The following AGBL4 variants were observed in gnomAD, a reference collection of about 807,000 sequenced individuals.
AGBL4 encodes the protein cytosolic carboxypeptidase 6.
A neutral mutation model predicts 66.4 loss-of-function variants in AGBL4; 58 were observed. That is an observed-to-expected ratio of 0.87 (90% CI 0.71 to 1.09). AGBL4 has a LOEUF of 1.09. Among genes scored for constraint, AGBL4 ranks in the 50% least tolerant of loss-of-function variants. The probability of loss-of-function intolerance (pLI) is 0.00; values close to 1 mark genes in which losing one functional copy is unlikely to be tolerated. For missense variants in AGBL4, 579 were observed against 631.0 expected, an observed-to-expected ratio of 0.92 and a Z score of 0.88; for synonymous variants, 234 against 222.9, an observed-to-expected ratio of 1.05 and a Z score of -0.44.
chr1:48,814,662 T>C (rs1412805461), intron 6 of AGBL4, among the ~76,000 whole-genome samples: 1 of 151,168 alleles, frequency 6.6e-6, no homozygotes, highest in African/African-American at 2.4e-5. Flanking sequence ...ATGCGGTATT[T>C]AACTTTCTGT....
rs149341717 is a variant in AGBL4, at chr1:50,017,858, C to T, written c.34+5905G>A. Among the ~76,000 whole-genome samples, 338 of 152,136 alleles carry T rather than the reference C, an allele frequency of 2.2e-3. 4 individuals are homozygous for T. Among genetic ancestry groups the T allele is most frequent in the African/African-American group, 7.8e-3 (325 of 41,510 alleles). On this transcript the variant is annotated intron_variant, in intron 1 of 13. Coordinates refer to ENST00000371839, the MANE Select transcript of AGBL4 (RefSeq NM_032785.4). ...ACATGCAATTTATCCATATAACAAA[C>T]CTGTGTATGTACCCCATGAGCCTAA...
intron 4 of AGBL4, among the ~76,000 whole-genome samples, chr1:49,195,805 G>C (rs1420612897): frequency 1.3e-5 from 2 of 152,082 alleles, no homozygotes; most frequent in African/African-American, 2.4e-5. Flanking sequence ...TGGTTTGGCT[G>C]TGTCCCCACC....
intron 2 of AGBL4, among the ~76,000 whole-genome samples, chr1:49,758,401 C>T (rs929087401): frequency 6.6e-6 from 1 of 151,936 alleles, no homozygotes; most frequent in Non-Finnish European, 1.5e-5. Context: ...TGGCCACCAT[C>T]CTCTAGACCC....
intron 3 of AGBL4, among the ~76,000 whole-genome samples, chr1:49,414,938 T>C (rs979203959): frequency 3.9e-5 from 6 of 152,146 alleles, no homozygotes; most frequent in Non-Finnish European, 8.8e-5. Flanking sequence ...GCTATAAGGA[T>C]GACAATAATA....
At chr1:49,218,204 C>G (rs938429024) in intron 4 of AGBL4, among the ~76,000 whole-genome samples, 2 of 151,964 alleles carry the variant, frequency 1.3e-5, no homozygotes, top group African/African-American at 4.8e-5. Context: ...TGGGGTCAAG[C>G]TAAAAGGAGG....
intron 4 of AGBL4, among the ~76,000 whole-genome samples, chr1:49,222,116 C>T (rs1226261557): frequency 6.6e-6 from 1 of 152,130 alleles, no homozygotes; most frequent in Non-Finnish European, 1.5e-5. Context: ...AAATTTCCAT[C>T]TATGGCCTTT....
chr1:49,833,456 G>C (rs2148021410), intron 2 of AGBL4, among the ~76,000 whole-genome samples: 1 of 152,284 alleles, frequency 6.6e-6, no homozygotes, highest in South Asian at 2.1e-4. Context: ...CTTTGGCTTA[G>C]GATTGACTTG....
intron 3 of AGBL4, among the ~76,000 whole-genome samples, chr1:49,275,300 A>G (rs1341197726): frequency 6.6e-6 from 1 of 152,162 alleles, no homozygotes; most frequent in Non-Finnish European, 1.5e-5. Context: ...ACTTTCTGAC[A>G]GGCCCATGCA....
rs890118786 is a variant in AGBL4, at chr1:49,034,938, G to A, written c.594+10646C>T. Among the ~76,000 whole-genome samples, 8 of 152,054 alleles carry A rather than the reference G, an allele frequency of 5.3e-5. 1 individual carries two copies. Among genetic ancestry groups the A allele is most frequent in the South Asian group, 4.1e-4 (2 of 4,824 alleles). ...ATTTCTGAGTGAAATTACTAAGCCT[G>A]TAGATAAGAGTATCCAAGAATCAAA... On this transcript the variant is annotated intron_variant, in intron 5 of 13. Transcript: ENST00000371839.
chr1:48,837,684 A>ACG, intron 6 of AGBL4, among the ~76,000 whole-genome samples: 1 of 113,060 alleles, frequency 8.8e-6, no homozygotes, highest in African/African-American at 3.2e-5. Flanking sequence ...ACACACACAC[A>ACG]CACGCACACA....
At chr1:49,138,940 C>T (rs994599240) in intron 4 of AGBL4, among the ~76,000 whole-genome samples, 4 of 152,022 alleles carry the variant, frequency 2.6e-5, no homozygotes, top group Non-Finnish European at 4.4e-5. Flanking sequence ...CTGTACAGAA[C>T]GAATGGCTGG....
At chr1:49,800,466 T>C (rs1178363817) in intron 2 of AGBL4, among the ~76,000 whole-genome samples, 3 of 134,636 alleles carry the variant, frequency 2.2e-5, no homozygotes, top group Non-Finnish European at 4.8e-5. Flanking sequence ...CTGCACCCAC[T>C]AACTCGTCAT....
At chr1:49,975,047 C>A (rs1215284105) in intron 1 of AGBL4, among the ~76,000 whole-genome samples, 1 of 152,092 alleles carries the variant, frequency 6.6e-6, no homozygotes, top group African/African-American at 2.4e-5. Flanking sequence ...GTGGTAGTTG[C>A]TATAGAAACT....
chr1:49,598,762 C>T (rs551483703), intron 3 of AGBL4, among the ~76,000 whole-genome samples: 12 of 152,160 alleles, frequency 7.9e-5, no homozygotes, highest in Admixed American at 4.6e-4. Context: ...CAGACAGGGA[C>T]ATTTAAGTCT....
intron 3 of AGBL4, among the ~76,000 whole-genome samples, chr1:49,320,755 A>C (rs1471288894): frequency 6.6e-6 from 1 of 152,166 alleles, no homozygotes; most frequent in African/African-American, 2.4e-5. Context: ...GTCCATTTTC[A>C]CACTGCTATA....
At chr1:49,809,755 T>G (rs1045420156) in intron 2 of AGBL4, among the ~76,000 whole-genome samples, 2 of 152,190 alleles carry the variant, frequency 1.3e-5, no homozygotes, top group African/African-American at 4.8e-5. Context: ...GAGAAATTTA[T>G]ATAAAGAAAG....
chr1:49,750,559 C>G (rs1476760971), intron 2 of AGBL4, among the ~76,000 whole-genome samples: 1 of 152,006 alleles, frequency 6.6e-6, no homozygotes, highest in African/African-American at 2.4e-5. Flanking sequence ...TTCTTAGTAT[C>G]TTCTTGGCTA....
intron 2 of AGBL4, among the ~76,000 whole-genome samples, chr1:49,795,288 A>G (rs1365398868): frequency 1.3e-5 from 2 of 152,038 alleles, no homozygotes; most frequent in African/African-American, 2.4e-5. Context: ...ATGGCAAGAC[A>G]TACTATGTAC....
intron 2 of AGBL4, among the ~76,000 whole-genome samples, chr1:49,760,899 C>T (rs759395314): frequency 2.0e-5 from 3 of 152,100 alleles, no homozygotes; most frequent in Non-Finnish European, 4.4e-5. Flanking sequence ...AAGACATCAT[C>T]CTCAGCAAAT....
Sources: allele counts gnomAD v4.1 joint callset (sites outside exome capture counted in the v4.1 genomes callset), GRCh38; gene constraint gnomAD v4.1.1; transcripts MANE v1.5; gene names NCBI Gene and HGNC (gene_info 2026-07-23, HGNC 2026-07-21).